The following SNX10 variants were observed in gnomAD, a reference collection of about 807,000 sequenced individuals.
The protein encoded by SNX10 is sorting nexin 10, also known as sorting nexin-10.
SNX10 carries 25 observed loss-of-function variants against 28.5 expected under a neutral mutation model. The observed-to-expected ratio is 0.88, with a 90% CI of 0.64 to 1.22. The LOEUF (loss-of-function observed/expected upper bound fraction) is 1.22, where lower values mean the gene tolerates loss of function less well. Among genes scored for constraint, SNX10 ranks in the 50% most tolerant of loss-of-function variants. The pLI is 0.00. For synonymous variants in SNX10, 62 were observed against 81.4 expected, an observed-to-expected ratio of 0.76 and a Z score of 1.28; for missense variants, 223 against 242.6, an observed-to-expected ratio of 0.92 and a Z score of 0.54.
In SNX10 at chr7:26,351,482, T is replaced by C. The variant is rs188023091; in HGVS notation, c.24+5016T>C. On this transcript the variant is annotated intron_variant, in intron 2 of 6. Transcript: ENST00000338523. ...AAATCTGCAGAATACCTGCGAGGGCTCCTCAAATTGTCAAGGTCATGAAAA... is the reference window on the plus strand; with the variant it reads ...AAATCTGCAGAATACCTGCGAGGGCCCCTCAAATTGTCAAGGTCATGAAAA... 2.5e-3 allele frequency among the ~76,000 whole-genome samples: 374 copies of C among 152,158 alleles called. 1 individual carries two copies. The highest frequency in any genetic ancestry group is 4.0e-3 in the Non-Finnish European group (269 of 67,992).
intron 2 of SNX10, among the ~76,000 whole-genome samples, chr7:26,358,467 C>T (rs1250602194): frequency 6.6e-6 from 1 of 152,112 alleles, no homozygotes; most frequent in East Asian, 1.9e-4. Context: ...GGCTGGGGCA[C>T]AGTGGCTCAT....
intron 3 of SNX10, among the ~76,000 whole-genome samples, chr7:26,362,823 T>C (rs1458551908): frequency 1.3e-5 from 2 of 152,198 alleles, no homozygotes; most frequent in Non-Finnish European, 2.9e-5. Context: ...TAGTAGACCC[T>C]AGAGCTGGGT....
intron 1 of SNX10, among the ~76,000 whole-genome samples, chr7:26,294,800 CCTT>C (rs1289083829): frequency 2.6e-5 from 4 of 152,248 alleles, no homozygotes; most frequent in South Asian, 2.1e-4. Context: ...GTTTTTCTCC[CCTT>C]CTTCTTTCTT....
At chr7:26,365,170 C>G in intron 5 of SNX10, 25 bp downstream of exon 5, 1 of 1,384,190 alleles carries the variant, frequency 7.2e-7, no homozygotes, top group Non-Finnish European at 1.0e-6. Flanking sequence ...ACTTTTGTGG[C>G]CAGACAAGGG....
chr7:26,370,173 ACT>A (rs944726975), intron 5 of SNX10, among the ~76,000 whole-genome samples: 8 of 152,228 alleles, frequency 5.3e-5, no homozygotes, highest in Non-Finnish European at 8.8e-5. Flanking sequence ...CACAGGAAAC[ACT>A]CTGCTCAGAC....
rs181817105 is a variant in SNX10, at chr7:26,353,640, C to T, written c.24+7174C>T. Among the ~76,000 whole-genome samples the T allele has an allele frequency of 2.0e-3, 311 of 151,996 alleles. 2 individuals carry two copies. Among genetic ancestry groups the T allele is most frequent in the African/African-American group, 7.3e-3 (302 of 41,486 alleles). ...CTAATTTTTGTATTTTTAGCAGAGA[C>T]GGGGTTTCACCATGTTGGCCAGGCT... On this transcript the variant is annotated intron_variant, in intron 2 of 6. Coordinates refer to ENST00000338523, the MANE Select transcript of SNX10 (RefSeq NM_013322.3).
At chr7:26,309,675 C>G (rs1269792611) in intron 1 of SNX10, among the ~76,000 whole-genome samples, 1 of 152,034 alleles carries the variant, frequency 6.6e-6, no homozygotes, top group Non-Finnish European at 1.5e-5. Flanking sequence ...GTTAGTAACT[C>G]ACTTTGGGTT....
chr7:26,355,244 A>T (rs1423395880), intron 2 of SNX10, among the ~76,000 whole-genome samples: 2 of 152,160 alleles, frequency 1.3e-5, no homozygotes, highest in Non-Finnish European at 2.9e-5. Flanking sequence ...TAGCCTTAAC[A>T]TTGGGAAGAA....
At chr7:26,317,251 C>T (rs1415929994) in intron 1 of SNX10, among the ~76,000 whole-genome samples, 1 of 152,118 alleles carries the variant, frequency 6.6e-6, no homozygotes, top group African/African-American at 2.4e-5. Flanking sequence ...TGAGAGCAAG[C>T]GCCCTGGGTA....
intron 1 of SNX10, among the ~76,000 whole-genome samples, chr7:26,297,613 C>G (rs924863980): frequency 6.6e-6 from 1 of 152,114 alleles, no homozygotes; most frequent in Non-Finnish European, 1.5e-5. Context: ...GGTGGGATTT[C>G]CCCCAGGTCA....
rs1013078016 is a variant in SNX10, at chr7:26,374,288, T to C, written c.*1716T>C. 1 of 152,076 alleles carries C rather than the reference T, an allele frequency of 6.6e-6. No individual in the cohort carries two copies. The highest frequency in any genetic ancestry group is 1.9e-4 in the East Asian group (1 of 5,202). The allele number at this position is 152,076 out of a possible 1,614,324, so 9.4% of individuals were successfully genotyped here. On this transcript the variant is annotated 3_prime_UTR_variant, in exon 7 of 7. Transcript: ENST00000338523. ...TAATGCCTAATACTTAGTATGTAAA[T>C]GTCACGAGATCATTTTTACATTAAA...
intron 1 of SNX10, among the ~76,000 whole-genome samples, chr7:26,298,663 T>C (rs1786202032): frequency 6.6e-6 from 1 of 152,248 alleles, no homozygotes; most frequent in Non-Finnish European, 1.5e-5. Flanking sequence ...AAATGTTCAT[T>C]ATGCATTATG....
chr7:26,349,336 T>C (rs1329846527), intron 2 of SNX10, among the ~76,000 whole-genome samples: 1 of 145,778 alleles, frequency 6.9e-6, no homozygotes, highest in East Asian at 2.1e-4. Flanking sequence ...GACCTTAAAA[T>C]TTAGTAATTT....
chr7:26,343,539 C>T (rs572652853), intron 1 of SNX10, among the ~76,000 whole-genome samples: 8 of 152,142 alleles, frequency 5.3e-5, no homozygotes, highest in Admixed American at 1.3e-4. Flanking sequence ...ATGATGCAAG[C>T]GAAGTTAATG....
At chr7:26,308,086 T>G (rs1227542587) in intron 1 of SNX10, among the ~76,000 whole-genome samples, 1 of 152,202 alleles carries the variant, frequency 6.6e-6, no homozygotes, top group African/African-American at 2.4e-5. Flanking sequence ...GATATTATGA[T>G]ATATATGTTG....
rs374068728 is a variant in SNX10 at position 26,365,027 on chromosome 7, T to A, written c.213-20T>A. On this transcript the variant is annotated intron_variant, in intron 4 of 6. Coordinates refer to ENST00000338523, the MANE Select transcript of SNX10 (RefSeq NM_013322.3). ...CCTTGAGTTAATCATTTAAAAACAT[T>A]GTTTTTTCTTTCTCCTAAGACAACT... The A allele has an allele frequency of 6.7e-7, 1 of 1,499,712 alleles. No homozygotes were observed. 92.9% of individuals were successfully genotyped at this position (1,499,712 alleles called of 1,614,324 possible). A position where few individuals can be genotyped will look rare whatever the true frequency, so the allele number is the denominator to read the frequency against.
chr7:26,308,848 G>A (rs1244205881), intron 1 of SNX10, among the ~76,000 whole-genome samples: 1 of 152,110 alleles, frequency 6.6e-6, no homozygotes, highest in Non-Finnish European at 1.5e-5. Context: ...ATCTGATAAT[G>A]TCCCCAGGTA....
rs377678904 is a variant in SNX10, at chr7:26,360,735, G to A, written c.25-240G>A. The A allele has an allele frequency of 1.0e-5, 10 of 959,756 alleles. No individual in the cohort carries two copies. In the South Asian group the frequency reaches 1.1e-4, roughly 11 times the overall value. The allele number at this position is 959,756 out of a possible 1,614,324, so 59.5% of individuals were successfully genotyped here. ...TTCAGATAACCAGTAAAACTATCCAGAAGTGCTCCCACCTCAGTGTTGCAT... is the reference window on the plus strand; with the variant it reads ...TTCAGATAACCAGTAAAACTATCCAAAAGTGCTCCCACCTCAGTGTTGCAT... On this transcript the variant is annotated intron_variant, in intron 2 of 6. Coordinates refer to ENST00000338523, the MANE Select transcript of SNX10 (RefSeq NM_013322.3).
rs942537622 is a variant in SNX10, at chr7:26,318,215, A to AT, written c.-24+26139dup. On this transcript the variant is annotated intron_variant, in intron 1 of 6. Coordinates refer to ENST00000338523, the MANE Select transcript of SNX10 (RefSeq NM_013322.3). The stretch of plus-strand genomic sequence containing the variant: ...ATAGCCGTACACTATTTGCCCAGTG[A>AT]TTTTTTTTTTCCACAGTGTTTGCAG... 3.1e-4 allele frequency among the ~76,000 whole-genome samples: 47 copies of AT among 150,422 alleles called. 1 individual carries two copies. In the East Asian group the frequency reaches 3.5e-3, roughly 11 times the overall value.
Sources: gnomAD v4.1 joint callset for allele counts (sites outside exome capture counted in the v4.1 genomes callset) on GRCh38, gnomAD v4.1.1 for gene constraint, MANE v1.5 for transcripts, NCBI Gene and HGNC (gene_info 2026-07-23, HGNC 2026-07-21) for gene names.